NCAM2: variants seen among roughly 807,000 people sequenced by gnomAD.
NCAM2 encodes N-CAM-2.
Under a neutral mutation model 98.1 loss-of-function variants are expected in NCAM2, and 30 were observed. The observed-to-expected ratio is 0.31, with a 90% CI of 0.23 to 0.41. NCAM2 has a LOEUF of 0.41. NCAM2 is among the 10% of genes least tolerant of loss of function. The pLI is 1.00. For synonymous variants in NCAM2, 368 were observed against 342.4 expected (o/e 1.07, Z -0.83); for missense variants, 867 against 1,005.8 (o/e 0.86, Z 1.87).
At chr21:21,283,449 T>G (rs530528141) in intron 2 of NCAM2, among the ~76,000 whole-genome samples, 7 of 151,936 alleles carry the variant, frequency 4.6e-5, no homozygotes, top group Non-Finnish European at 1.0e-4. Flanking sequence ...ACCTAGATTC[T>G]GAATTGGAAA....
At chr21:21,403,797 C>A (rs1341219232) in intron 9 of NCAM2, among the ~76,000 whole-genome samples, 1 of 151,814 alleles carries the variant, frequency 6.6e-6, no homozygotes, top group Non-Finnish European at 1.5e-5. Context: ...ACAAATAAAA[C>A]CAAAACATAA....
At chr21:21,156,056 G>A (rs1165326128) in intron 1 of NCAM2, among the ~76,000 whole-genome samples, 2 of 151,824 alleles carry the variant, frequency 1.3e-5, no homozygotes, top group African/African-American at 4.8e-5. Context: ...TCTGCTTCCT[G>A]CCCTTGACTC....
chr21:21,029,267 A>G (rs1177466852), intron 1 of NCAM2, among the ~76,000 whole-genome samples: 1 of 152,224 alleles, frequency 6.6e-6, no homozygotes, highest in Non-Finnish European at 1.5e-5. Context: ...AATCTGTGAC[A>G]GTGGTCAAGG....
intron 1 of NCAM2, among the ~76,000 whole-genome samples, chr21:21,213,268 G>A (rs918672507): frequency 6.6e-6 from 1 of 152,104 alleles, no homozygotes; most frequent in African/African-American, 2.4e-5. Flanking sequence ...CATGGATAAT[G>A]TATTTAACTT....
intron 16 of NCAM2, among the ~76,000 whole-genome samples, chr21:21,512,774 T>C (rs1433889667): frequency 6.6e-6 from 1 of 152,070 alleles, no homozygotes; most frequent in Admixed American, 6.6e-5. Flanking sequence ...CAATGTTTTA[T>C]CGTTTTCATT....
chr21:21,220,988 G>A (rs757494449), intron 1 of NCAM2, among the ~76,000 whole-genome samples: 4 of 152,166 alleles, frequency 2.6e-5, no homozygotes, highest in African/African-American at 4.8e-5. Flanking sequence ...TTCCAGGAGC[G>A]TGTACTCACC....
intron 1 of NCAM2, among the ~76,000 whole-genome samples, chr21:21,168,687 T>C (rs1450086366): frequency 6.6e-6 from 1 of 151,530 alleles, no homozygotes; most frequent in East Asian, 1.9e-4. Context: ...CTAAAACACA[T>C]TACTATATTA....
chr21:21,381,386 G>T (rs1569000312), intron 9 of NCAM2, among the ~76,000 whole-genome samples: 1 of 151,336 alleles, frequency 6.6e-6, no homozygotes, highest in Non-Finnish European at 1.5e-5. Context: ...TTTATATTCT[G>T]TTTTTTTTCC....
At chr21:21,402,924 C>T (rs756288138) in intron 9 of NCAM2, among the ~76,000 whole-genome samples, 2 of 152,164 alleles carry the variant, frequency 1.3e-5, no homozygotes, top group African/African-American at 4.8e-5. Context: ...CCACCAAAAG[C>T]ATATAAGGGT....
At chr21:21,225,710 T>C (rs1020958369) in intron 1 of NCAM2, among the ~76,000 whole-genome samples, 1 of 152,102 alleles carries the variant, frequency 6.6e-6, no homozygotes, top group African/African-American at 2.4e-5. Context: ...TTGTAAATTA[T>C]GCAGCAAATT....
chr21:21,313,758 A>G (rs4816852), intron 5 of NCAM2, among the ~76,000 whole-genome samples: 63,895 of 151,720 alleles, frequency 0.42, 14,696 homozygotes, highest in Non-Finnish European at 0.53. Context: ...TCATTCTTCT[A>G]TTTTCCCTGC....
intron 1 of NCAM2, among the ~76,000 whole-genome samples, chr21:21,124,141 C>G (rs564579615): frequency 1.3e-5 from 2 of 152,174 alleles, no homozygotes; most frequent in East Asian, 3.9e-4. Flanking sequence ...GCCACCGCGC[C>G]CGTCCTGATT....
intron 1 of NCAM2, among the ~76,000 whole-genome samples, chr21:21,228,802 C>A (rs2147172223): frequency 6.6e-6 from 1 of 151,528 alleles, no homozygotes; most frequent in African/African-American, 2.4e-5. Context: ...ATATCTGCTG[C>A]AACTTTTAAC....
chr21:21,488,110 A>AT (rs1264911748), intron 15 of NCAM2, among the ~76,000 whole-genome samples: 1 of 152,058 alleles, frequency 6.6e-6, no homozygotes, highest in Non-Finnish European at 1.5e-5. Flanking sequence ...TATATATGCA[A>AT]TTTTCACTTA....
At chr21:21,336,989 G>A (rs2074889767) in intron 7 of NCAM2, among the ~76,000 whole-genome samples, 1 of 151,948 alleles carries the variant, frequency 6.6e-6, no homozygotes, top group African/African-American at 2.4e-5. Context: ...TCACTTACAG[G>A]GAAAAGTAAA....
chr21:21,252,698 T>C (rs1601772056), intron 1 of NCAM2, among the ~76,000 whole-genome samples: 1 of 152,302 alleles, frequency 6.6e-6, no homozygotes, highest in East Asian at 1.9e-4. Flanking sequence ...TGAGAAATTA[T>C]GCTGGATAAA....
At chr21:21,046,734 G>GTTTGT (rs901923137) in intron 1 of NCAM2, among the ~76,000 whole-genome samples, 5 of 152,106 alleles carry the variant, frequency 3.3e-5, no homozygotes, top group Non-Finnish European at 5.9e-5. Flanking sequence ...ATTCTTACTG[G>GTTTGT]TTTGTTTTGT....
intron 15 of NCAM2, among the ~76,000 whole-genome samples, chr21:21,502,611 T>C (rs896177741): frequency 1.3e-5 from 2 of 151,966 alleles, no homozygotes; most frequent in African/African-American, 4.8e-5. Context: ...AGGGAGTATA[T>C]TGTACTACGA....
intron 1 of NCAM2, among the ~76,000 whole-genome samples, chr21:21,256,603 G>T (rs990059112): frequency 1.4e-4 from 22 of 152,022 alleles, no homozygotes; most frequent in African/African-American, 4.8e-4. Context: ...ATGACATAAA[G>T]CTCCACCTCT....
Sources: allele counts gnomAD v4.1 joint callset (sites outside exome capture counted in the v4.1 genomes callset), GRCh38; gene constraint gnomAD v4.1.1; transcripts MANE v1.5; gene names NCBI Gene and HGNC (gene_info 2026-07-23, HGNC 2026-07-21).